MSI2: variants seen among roughly 807,000 people sequenced by gnomAD.
The protein encoded by MSI2 is musashi RNA binding protein 2.
MSI2 carries 17 observed loss-of-function variants against 45.6 expected under a neutral mutation model. The observed-to-expected ratio is 0.37, with a 90% CI of 0.26 to 0.56. The LOEUF is 0.56. Ranked by LOEUF, MSI2 falls within the 20% of genes least tolerant of loss-of-function variation. The pLI, the probability that MSI2 is intolerant of heterozygous loss-of-function variation, is 0.77. For missense variants in MSI2, 293 were observed against 444.2 expected (o/e 0.66, Z 3.06); for synonymous variants, 156 against 158.2 (o/e 0.99, Z 0.11).
intron 7 of MSI2, among the ~76,000 whole-genome samples, chr17:57,595,162 GA>G (rs892515134): frequency 8.5e-5 from 13 of 152,314 alleles, no homozygotes; most frequent in African/African-American, 3.1e-4. Flanking sequence ...ATGAGAGTCA[GA>G]AGGGACCTGA....
intron 3 of MSI2, 129 bp downstream of exon 3, chr17:57,257,676 G>C: frequency 1.6e-6 from 1 of 639,270 alleles, no homozygotes; most frequent in South Asian, 1.9e-5. Flanking sequence ...CTCGAACGGC[G>C]CTCTATACCA....
At chr17:57,313,180 C>G (rs1912550781) in intron 5 of MSI2, among the ~76,000 whole-genome samples, 1 of 152,172 alleles carries the variant, frequency 6.6e-6, no homozygotes, top group Non-Finnish European at 1.5e-5. Flanking sequence ...CAGACTTTCT[C>G]TGCTTGCCTT....
intron 6 of MSI2, among the ~76,000 whole-genome samples, chr17:57,477,352 G>A (rs1321021895): frequency 6.6e-6 from 1 of 152,120 alleles, no homozygotes; most frequent in African/African-American, 2.4e-5. Context: ...TTCACCAAAA[G>A]CCGACTGCCA....
chr17:57,328,803 G>C (rs1053518301), intron 5 of MSI2, among the ~76,000 whole-genome samples: 7 of 151,968 alleles, frequency 4.6e-5, no homozygotes, highest in African/African-American at 1.7e-4. Flanking sequence ...GGAATAGGTG[G>C]GTTAAAGTTT....
chr17:57,616,019 C>A lies in MSI2; in HGVS notation c.587C>A (p.Thr196Lys), dbSNP rs1907651423. ...AAAGAAGTCATGTTCCCACCTGGGA[C>A]AAGAGGCCGGGCCCGGGGACTGCCT... Reference protein sequence around the residue: ...QPKEVMFPPGTRGRARGLPYT... With the variant: ...QPKEVMFPPGKRGRARGLPYT... The change falls in exon 9 of 14, where the codon ACA becomes AAA. Residue 196 changes from threonine to lysine, a missense_variant. Coordinates refer to ENST00000284073, the MANE Select transcript of MSI2 (RefSeq NM_138962.4). 1 of 1,614,080 alleles carries A rather than the reference C, an allele frequency of 6.2e-7. No homozygotes were observed. Among genetic ancestry groups the A allele is most frequent in the Non-Finnish European group, 8.5e-7 (1 of 1,180,044 alleles).
rs367966446 is a variant in MSI2, at chr17:57,545,165, G to GC, written c.454+15448dup. ...ATTTTCCCCCCTCTGAATTCTGGAG[G>GC]CCCCCCCGTTTTTTAAGTAGAGCGT... On this transcript the variant is annotated intron_variant, in intron 7 of 13. Coordinates refer to ENST00000284073, the MANE Select transcript of MSI2 (RefSeq NM_138962.4). Among the ~76,000 whole-genome samples, 214 of 151,902 alleles carry GC rather than the reference G, an allele frequency of 1.4e-3. 1 individual carries two copies. The highest frequency in any genetic ancestry group is 4.7e-3 in the African/African-American group (194 of 41,366).
chr17:57,464,625 C>T (rs2085296827), intron 6 of MSI2, among the ~76,000 whole-genome samples: 1 of 152,094 alleles, frequency 6.6e-6, no homozygotes, highest in Admixed American at 6.6e-5. Flanking sequence ...TGGGTGTGGG[C>T]CAGCCTCTTC....
intron 5 of MSI2, among the ~76,000 whole-genome samples, chr17:57,296,057 A>G (rs955523521): frequency 7.1e-6 from 1 of 140,156 alleles, no homozygotes; most frequent in South Asian, 2.2e-4. Context: ...TTAAAAAACA[A>G]TAATAATCCT....
At chr17:57,494,859 C>G (rs928247239) in intron 6 of MSI2, among the ~76,000 whole-genome samples, 1 of 151,960 alleles carries the variant, frequency 6.6e-6, no homozygotes, top group African/African-American at 2.4e-5. Flanking sequence ...AGAACAGAAA[C>G]GAATCCCGGT....
chr17:57,688,089 T>C (rs1913917189), downstream of MSI2, among the ~76,000 whole-genome samples: 1 of 152,146 alleles, frequency 6.6e-6, no homozygotes, highest in Admixed American at 6.5e-5. Context: ...AAACCAACAT[T>C]AATTATTCTA....
intron 5 of MSI2, among the ~76,000 whole-genome samples, chr17:57,295,210 C>A (rs1328045826): frequency 1.3e-5 from 2 of 152,186 alleles, no homozygotes; most frequent in Non-Finnish European, 2.9e-5. Flanking sequence ...ACTTCTTTCC[C>A]CAAGCCTCTG....
At chr17:57,523,913 C>T (rs2086646144) in intron 6 of MSI2, among the ~76,000 whole-genome samples, 1 of 152,126 alleles carries the variant, frequency 6.6e-6, no homozygotes, top group Admixed American at 6.6e-5. Context: ...TATGAGTTAC[C>T]TATGGCCACA....
chr17:57,519,516 A>G (rs1465511963), intron 6 of MSI2, among the ~76,000 whole-genome samples: 1 of 152,102 alleles, frequency 6.6e-6, no homozygotes, highest in Non-Finnish European at 1.5e-5. Context: ...CTCCATGACT[A>G]TGGAGGAGCC....
chr17:57,597,597 G>A (rs904834719), intron 8 of MSI2, among the ~76,000 whole-genome samples: 3 of 151,726 alleles, frequency 2.0e-5, no homozygotes, highest in Non-Finnish European at 2.9e-5. Context: ...CTGTACTCCA[G>A]CCTGGGCAAC....
chr17:57,493,052 C>T (rs2085907631), intron 6 of MSI2, among the ~76,000 whole-genome samples: 1 of 152,132 alleles, frequency 6.6e-6, no homozygotes, highest in Non-Finnish European at 1.5e-5. Context: ...TGCTGAGAAA[C>T]CTCAGGCTCC....
intron 5 of MSI2, chr17:57,263,972 G>A (rs1907545540): frequency 6.6e-6 from 1 of 152,174 alleles, no homozygotes. Context: ...ATCTCCATCT[G>A]AATTCCATCT....
At chr17:57,378,522 A>G (rs2083541773) in intron 5 of MSI2, among the ~76,000 whole-genome samples, 1 of 152,064 alleles carries the variant, frequency 6.6e-6, no homozygotes, top group South Asian at 2.1e-4. Context: ...TTGGCCTCCC[A>G]AAGTGCTGGG....
chr17:57,511,974 C>T (rs1275406596), intron 6 of MSI2, among the ~76,000 whole-genome samples: 1 of 152,214 alleles, frequency 6.6e-6, no homozygotes, highest in East Asian at 1.9e-4. Context: ...TCCCTGGTGC[C>T]CCTTTGCTTA....
At chr17:57,325,879 C>T (rs1331431419) in intron 5 of MSI2, among the ~76,000 whole-genome samples, 5 of 152,186 alleles carry the variant, frequency 3.3e-5, no homozygotes, top group Non-Finnish European at 7.3e-5. Context: ...TTTCTGGCGT[C>T]TCCTCTTGCT....
Sources: allele counts gnomAD v4.1 joint callset (sites outside exome capture counted in the v4.1 genomes callset), GRCh38; gene constraint gnomAD v4.1.1; transcripts MANE v1.5; gene names NCBI Gene and HGNC (gene_info 2026-07-23, HGNC 2026-07-21).